Variants in PCDH11X observed in about 807,000 individuals in gnomAD.
PCDH11X encodes the protein protocadherin 11 X-linked, also known as protocadherin-11 X-linked.
A neutral mutation model predicts 53.3 loss-of-function variants in PCDH11X; 18 were observed. The ratio of observed to expected loss-of-function variants is 0.34; its 90% CI spans 0.23 to 0.50. The LOEUF is 0.50. Among genes scored for constraint, PCDH11X ranks in the 20% least tolerant of loss-of-function variants. PCDH11X has a pLI of 0.98. For synonymous variants in PCDH11X, 279 were observed against 393.3 expected, an observed-to-expected ratio of 0.71 and a Z score of 3.44; for missense variants, 570 against 1,032.4, an observed-to-expected ratio of 0.55 and a Z score of 6.14.
At chrX:92,156,646 G>T (rs763146720) in intron 6 of PCDH11X, among the ~76,000 whole-genome samples, 1 of 111,936 alleles carries the variant, frequency 8.9e-6, no homozygotes, top group Non-Finnish European at 1.9e-5. Flanking sequence ...CCTAGAATAG[G>T]CACTCAATAA....
intron 6 of PCDH11X, among the ~76,000 whole-genome samples, chrX:92,051,546 T>C (rs1814471185): frequency 9.0e-6 from 1 of 111,475 alleles, no homozygotes; most frequent in South Asian, 3.7e-4. Flanking sequence ...AGAGATTATA[T>C]TCTTATTTCT....
intron 6 of PCDH11X, among the ~76,000 whole-genome samples, chrX:91,975,946 A>T (rs1209187410): frequency 9.0e-6 from 1 of 111,699 alleles, no homozygotes; most frequent in Non-Finnish European, 1.9e-5. Context: ...TTAGGAAAAA[A>T]AAAATTGATT....
At chrX:92,312,341 G>A (rs1356088119) in intron 8 of PCDH11X, among the ~76,000 whole-genome samples, 1 of 110,695 alleles carries the variant, frequency 9.0e-6, no homozygotes, top group Admixed American at 9.7e-5. Flanking sequence ...TTCAAGGAGG[G>A]ATTTAGTATG....
At chrX:91,784,640 T>C (rs1935269528) in intron 1 of PCDH11X, among the ~76,000 whole-genome samples, 1 of 111,918 alleles carries the variant, frequency 8.9e-6, no homozygotes, top group Non-Finnish European at 1.9e-5. Context: ...GCCTTCTTTC[T>C]ACAACCAGTT....
At chrX:91,976,830 G>T (rs189862621) in intron 6 of PCDH11X, among the ~76,000 whole-genome samples, 47 of 111,807 alleles carry the variant, frequency 4.2e-4, no homozygotes, top group Admixed American at 8.6e-4. Flanking sequence ...ATCACATATG[G>T]TGCTTTTTAC....
At chrX:92,146,732 C>T (rs1402711015) in intron 6 of PCDH11X, among the ~76,000 whole-genome samples, 1 of 111,571 alleles carries the variant, frequency 9.0e-6, no homozygotes, top group Non-Finnish European at 1.9e-5. Flanking sequence ...AGTGCGGTGG[C>T]TTACACCTAT....
chrX:92,039,574 G>A (rs1297357117), intron 6 of PCDH11X, among the ~76,000 whole-genome samples: 5 of 111,055 alleles, frequency 4.5e-5, no homozygotes, highest in East Asian at 2.9e-4. Context: ...TCAGCTTGTG[G>A]TAAATGCTGC....
intron 6 of PCDH11X, among the ~76,000 whole-genome samples, chrX:92,014,690 G>T (rs1188753582): frequency 8.9e-6 from 1 of 112,030 alleles, no homozygotes; most frequent in East Asian, 2.8e-4. Context: ...ATACACCATG[G>T]AATACTATGC....
At chrX:92,413,974 C>T (rs1210914602) in intron 9 of PCDH11X, among the ~76,000 whole-genome samples, 3 of 106,130 alleles carry the variant, frequency 2.8e-5, no homozygotes, top group Non-Finnish European at 3.9e-5. Flanking sequence ...GTGCATCCTC[C>T]GTAGACTGTC....
intron 6 of PCDH11X, among the ~76,000 whole-genome samples, chrX:91,957,172 T>C (rs1400150937): frequency 3.6e-5 from 4 of 110,902 alleles, no homozygotes; most frequent in Non-Finnish European, 7.5e-5. Context: ...TTTATCATGA[T>C]TCTTAGCTTC....
intron 9 of PCDH11X, among the ~76,000 whole-genome samples, chrX:92,406,058 C>A (rs1342576496): frequency 2.1e-5 from 2 of 95,418 alleles, no homozygotes; most frequent in Non-Finnish European, 4.1e-5. Flanking sequence ...TCTATCACGC[C>A]ACTGCACTCC....
rs58210957 is a variant in PCDH11X at position 92,286,454 on chromosome X, T to TA, written c.3144+23327dup. Among the ~76,000 whole-genome samples, 114 of 82,645 alleles carry TA rather than the reference T, an allele frequency of 1.4e-3. 3 individuals are homozygous for TA. In the East Asian group the frequency reaches 0.016, roughly 11 times the overall value. The allele number at this position is 82,645 out of a possible 115,157, so 71.8% of individuals were successfully genotyped here. A position where few individuals can be genotyped will look rare whatever the true frequency, so the allele number is the denominator to read the frequency against. On this transcript the variant is annotated intron_variant, in intron 8 of 10. Coordinates refer to ENST00000682573, the MANE Select transcript of PCDH11X (RefSeq NM_032968.5). ...AAGGTTTTAAATAAAATTCAAAAAGTAAAAAAAAAAAAAAAAGGAAAGGAA... is the reference window on the plus strand; with the variant it reads ...AAGGTTTTAAATAAAATTCAAAAAGTAAAAAAAAAAAAAAAAAGGAAAGGAA...
chrX:91,798,824 T>A (rs1201395635), intron 1 of PCDH11X, among the ~76,000 whole-genome samples: 1 of 110,994 alleles, frequency 9.0e-6, no homozygotes, highest in Non-Finnish European at 1.9e-5. Flanking sequence ...GTCTTCCTGC[T>A]GTTAGGATAT....
chrX:92,256,271 G>A (rs1303484948), intron 7 of PCDH11X, among the ~76,000 whole-genome samples: 2 of 111,210 alleles, frequency 1.8e-5, no homozygotes, highest in Admixed American at 1.9e-4. Context: ...TGCACTTCCC[G>A]AGTGAGGCAA....
intron 10 of PCDH11X, among the ~76,000 whole-genome samples, chrX:92,541,453 G>A (rs764409866): frequency 1.8e-5 from 2 of 111,182 alleles, no homozygotes; most frequent in South Asian, 7.7e-4. Context: ...ATTTCAGACT[G>A]TTTCTCCTAT....
At chrX:92,221,166 T>A (rs1242164439) in intron 7 of PCDH11X, among the ~76,000 whole-genome samples, 4 of 102,630 alleles carry the variant, frequency 3.9e-5, no homozygotes, top group Non-Finnish European at 7.9e-5. Flanking sequence ...AACCTGCACA[T>A]TGTGCACATG....
intron 7 of PCDH11X, among the ~76,000 whole-genome samples, chrX:92,239,595 T>C (rs2067228967): frequency 8.9e-6 from 1 of 111,924 alleles, no homozygotes; most frequent in Non-Finnish European, 1.9e-5. Context: ...TTACTGACAA[T>C]ACATATTACT....
chrX:91,995,223 A>C (rs1317049777), intron 6 of PCDH11X, among the ~76,000 whole-genome samples: 2 of 107,519 alleles, frequency 1.9e-5, no homozygotes, highest in Admixed American at 9.8e-5. Context: ...GTTAAAAAAA[A>C]AAAAACAAAA....
intron 2 of PCDH11X, 115 bp from the exon 3 acceptor site, chrX:91,810,358 A>G (rs746741424): frequency 2.7e-5 from 3 of 112,042 alleles, no homozygotes; most frequent in African/African-American, 9.7e-5. Flanking sequence ...TAGCCATTAC[A>G]GCTAATTGGA....
Sources: allele counts gnomAD v4.1 joint callset (sites outside exome capture counted in the v4.1 genomes callset), GRCh38; gene constraint gnomAD v4.1.1; transcripts MANE v1.5; gene names NCBI Gene and HGNC (gene_info 2026-07-23, HGNC 2026-07-21).